The following PTPN12 variants were observed in gnomAD, a reference collection of about 807,000 sequenced individuals.
PTPN12 encodes the protein protein tyrosine phosphatase non-receptor type 12, also known as tyrosine-protein phosphatase non-receptor type 12.
In PTPN12, 29 loss-of-function variants were observed where a neutral mutation model predicts 97.6. That is an observed-to-expected ratio of 0.30 (90% CI 0.22 to 0.41). PTPN12 has a LOEUF of 0.41. Among genes scored for constraint, PTPN12 ranks in the 10% least tolerant of loss-of-function variants. PTPN12 has a pLI of 1.00. For missense variants in PTPN12, 819 were observed against 926.0 expected (o/e 0.88, Z 1.50); for synonymous variants, 327 against 300.4 (o/e 1.09, Z -0.91).
intron 1 of PTPN12, among the ~76,000 whole-genome samples, chr7:77,562,210 C>A (rs1015393129): frequency 6.6e-6 from 1 of 152,090 alleles, no homozygotes; most frequent in Non-Finnish European, 1.5e-5. Flanking sequence ...CATGCCACCA[C>A]GCCCAGCTAA....
chr7:77,573,806 G>A (rs764757477), intron 2 of PTPN12, among the ~76,000 whole-genome samples: 22 of 152,076 alleles, frequency 1.4e-4, no homozygotes, highest in Non-Finnish European at 2.9e-4. Context: ...TGTTGCCCAG[G>A]CTGGAGTGCA....
rs764476553 is a variant in PTPN12 at position 77,564,746 on chromosome 7, GTTTTTTTTTTT to G, written c.100-6312_100-6302del. Among the ~76,000 whole-genome samples the G allele has an allele frequency of 1.7e-3, 78 of 45,404 alleles. 1 individual carries two copies. The highest frequency in any genetic ancestry group is 3.6e-3 in the Admixed American group (9 of 2,534). The allele number at this position is 45,404 out of a possible 152,430, so 29.8% of individuals were successfully genotyped here. On this transcript the variant is annotated intron_variant, in intron 1 of 17. Transcript: ENST00000248594. ...TTTTGTTGTTGTTTTTTGTTGTCGT[GTTTTTTTTTTT>G]TTTTTTTTTTTTTTTTTTTGAGACG...
intron 11 of PTPN12, among the ~76,000 whole-genome samples, chr7:77,613,174 T>G (rs867946469): frequency 0.22 from 28,599 of 128,310 alleles, 3,045 homozygotes; most frequent in Non-Finnish European, 0.26. Context: ...TGGGTTTTTT[T>G]TTTTTTTTTT....
intron 3 of PTPN12, among the ~76,000 whole-genome samples, chr7:77,581,955 T>C (rs1483845305): frequency 1.3e-5 from 2 of 152,208 alleles, no homozygotes; most frequent in Non-Finnish European, 2.9e-5. Flanking sequence ...TTTAAAATTC[T>C]AGAACATAGC....
chr7:77,565,553 C>G (rs956356119), intron 1 of PTPN12, among the ~76,000 whole-genome samples: 3 of 152,180 alleles, frequency 2.0e-5, no homozygotes, highest in Non-Finnish European at 2.9e-5. Flanking sequence ...ATAGACAGCT[C>G]TTTGACTCTG....
chr7:77,564,486 C>T (rs2151311225), intron 1 of PTPN12, among the ~76,000 whole-genome samples: 1 of 152,082 alleles, frequency 6.6e-6, no homozygotes, highest in East Asian at 1.9e-4. Flanking sequence ...CCCAAACCTG[C>T]TACCGTTTAA....
At chr7:77,539,444 A>G (rs921153989) in intron 1 of PTPN12, among the ~76,000 whole-genome samples, 2 of 152,246 alleles carry the variant, frequency 1.3e-5, no homozygotes, top group South Asian at 4.1e-4. Context: ...GGAAAACGGC[A>G]TTTTCCCTTT....
At chr7:77,559,585 C>T (rs1807905444) in intron 1 of PTPN12, among the ~76,000 whole-genome samples, 1 of 152,224 alleles carries the variant, frequency 6.6e-6, no homozygotes, top group African/African-American at 2.4e-5. Flanking sequence ...ATTACACTTC[C>T]AGTTTTTATT....
chr7:77,627,589 C>T lies in PTPN12; in HGVS notation c.1910C>T (p.Thr637Ile). The change falls in exon 13 of 18, where the codon ACT becomes ATT. Residue 637 changes from threonine (T) to isoleucine (I), a missense_variant. Thr to Ile is a moderately conservative substitution (Grantham distance 89, BLOSUM62 -1). Around this residue, in one of 5 missense-constraint regions of PTPN12, gnomAD observed 607 missense variants for 577.3 expected, o/e 1.05. Transcript: ENST00000248594. ...GCCACAGTTTCTGCTGCCACTAGTA[C>T]TGAAAGCATTTCTACTAGGAAAGTA... ...ASATVSAATS[T>I]ESISTRKVLP... 6.2e-7 allele frequency: 1 copy of T among 1,613,528 alleles called. No homozygotes were observed. The highest frequency in any genetic ancestry group is 1.3e-5 in the African/African-American group (1 of 75,038).
chr7:77,569,189 A>G (rs1249458168), intron 1 of PTPN12, among the ~76,000 whole-genome samples: 1 of 152,140 alleles, frequency 6.6e-6, no homozygotes, highest in African/African-American at 2.4e-5. Flanking sequence ...TCTTCCAGAG[A>G]TGATATATGC....
intron 1 of PTPN12, among the ~76,000 whole-genome samples, chr7:77,570,089 A>G (rs1478134505): frequency 6.6e-6 from 1 of 152,188 alleles, no homozygotes; most frequent in East Asian, 1.9e-4. Flanking sequence ...TTTTACTTTG[A>G]CATTGTGCCA....
intron 1 of PTPN12, among the ~76,000 whole-genome samples, chr7:77,548,819 A>G (rs757068611): frequency 4.6e-5 from 7 of 152,186 alleles, no homozygotes; most frequent in Non-Finnish European, 8.8e-5. Context: ...GAACCAAGAA[A>G]TAGAGAGCCT....
chr7:77,594,367 C>T (rs1787959337), intron 6 of PTPN12, among the ~76,000 whole-genome samples: 1 of 152,190 alleles, frequency 6.6e-6, no homozygotes, highest in South Asian at 2.1e-4. Context: ...ATACACACCA[C>T]ACTGTCTACT....
At position 77,626,960 on chromosome 7, in the gene PTPN12, T is replaced by C. The variant is rs1021763121; in HGVS notation, c.1281T>C (p.Asp427=). Residue 427 remains aspartate (D), a synonymous_variant, in exon 13 of 18, where the codon GAT becomes GAC. Coordinates refer to ENST00000248594, the MANE Select transcript of PTPN12 (RefSeq NM_002835.4). ...GKNESTIEQI[D]KKLERNLSFE... ...ATGAATCAACAATTGAACAGATAGA[T>C]AAAAAATTGGAACGAAATTTAAGTT... The C allele has an allele frequency of 1.9e-6, 3 of 1,610,000 alleles. No homozygotes were observed. Among genetic ancestry groups the C allele is most frequent in the East Asian group, 2.2e-5 (1 of 44,870 alleles).
At chr7:77,553,303 C>T (rs534086918) in intron 1 of PTPN12, among the ~76,000 whole-genome samples, 4 of 152,244 alleles carry the variant, frequency 2.6e-5, no homozygotes, top group African/African-American at 9.6e-5. Context: ...ATTATATATC[C>T]AGTTGATTGA....
chr7:77,638,348 A>G (rs767531956), intron 16 of PTPN12, among the ~76,000 whole-genome samples: 2 of 152,194 alleles, frequency 1.3e-5, no homozygotes, highest in Non-Finnish European at 2.9e-5. Flanking sequence ...AGGGAATGTA[A>G]TATGTCAAGA....
chr7:77,599,616 C>T lies in PTPN12; in HGVS notation c.553-1048C>T, dbSNP rs1303517135. On this transcript the variant is annotated intron_variant, in intron 7 of 17. Coordinates refer to ENST00000248594, the MANE Select transcript of PTPN12 (RefSeq NM_002835.4). ...GACTGGTTGCTAATTTTTTAATCTA[C>T]GGTAATAATAATAAGTACCTTAATG... Among the ~76,000 whole-genome samples the T allele has an allele frequency of 3.3e-5, 5 of 152,168 alleles. No homozygotes were observed. The South Asian group carries it at 6.2e-4, about 19-fold the overall frequency.
rs1243470246 is a variant in PTPN12 at position 77,627,670 on chromosome 7, A to T, written c.1991A>T (p.Glu664Val). ...NIAGTTHSGA[E>V]KDVDVSEDSP... Reference sequence around the variant, plus strand: ...GCAGGAACAACACATTCAGGTGCTGAAAAAGGTAATAATATAGTGTCAAAT... The same window carrying T: ...GCAGGAACAACACATTCAGGTGCTGTAAAAGGTAATAATATAGTGTCAAAT... Residue 664 changes from glutamate (E) to valine (V), a missense_variant, in exon 13 of 18, where the codon GAA becomes GTA. Physicochemically the swap from Glu to Val is moderately radical, Grantham distance 121. Around this residue, in one of 5 missense-constraint regions of PTPN12, gnomAD observed 607 missense variants for 577.3 expected, o/e 1.05. Coordinates refer to ENST00000248594, the MANE Select transcript of PTPN12 (RefSeq NM_002835.4). 6.4e-7 allele frequency: 1 copy of T among 1,564,740 alleles called. No homozygotes were observed. Among genetic ancestry groups the T allele is most frequent in the Non-Finnish European group, 8.6e-7 (1 of 1,158,316 alleles).
chr7:77,566,207 A>G (rs1808249392), intron 1 of PTPN12, among the ~76,000 whole-genome samples: 1 of 152,242 alleles, frequency 6.6e-6, no homozygotes, highest in Admixed American at 6.5e-5. Flanking sequence ...CTATATGACT[A>G]AAGCATCAAA....
Sources: allele counts gnomAD v4.1 joint callset (sites outside exome capture counted in the v4.1 genomes callset), GRCh38; gene constraint gnomAD v4.1.1; regional missense constraint gnomAD v4.1.1; transcripts MANE v1.5; gene names NCBI Gene and HGNC (gene_info 2026-07-23, HGNC 2026-07-21).